The following LRRC4C variants were observed in gnomAD, a reference collection of about 807,000 sequenced individuals.
LRRC4C encodes leucine-rich repeat-containing protein 4C.
Under a neutral mutation model 33.6 loss-of-function variants are expected in LRRC4C, and 5 were observed. That is an observed-to-expected ratio of 0.15 (90% CI 0.08 to 0.31). LRRC4C has a LOEUF of 0.31. Ranked by LOEUF, LRRC4C falls within the 10% of genes least tolerant of loss-of-function variation. The pLI is 1.00. For synonymous variants in LRRC4C, 329 were observed against 302.0 expected (o/e 1.09, Z -0.93); for missense variants, 560 against 796.7 (o/e 0.70, Z 3.58).
chr11:41,247,043 G>A (rs1326126655), intron 1 of LRRC4C, among the ~76,000 whole-genome samples: 2 of 152,212 alleles, frequency 1.3e-5, no homozygotes, highest in Non-Finnish European at 2.9e-5. Flanking sequence ...TCTCATTACA[G>A]CCTTCATTTC....
intron 1 of LRRC4C, among the ~76,000 whole-genome samples, chr11:41,360,941 G>A (rs562796825): frequency 2.5e-4 from 38 of 152,236 alleles, no homozygotes; most frequent in South Asian, 1.2e-3. Flanking sequence ...GGAGATCACC[G>A]TAATGCTAGG....
chr11:41,331,820 G>A (rs1314690396), intron 1 of LRRC4C, among the ~76,000 whole-genome samples: 1 of 151,882 alleles, frequency 6.6e-6, no homozygotes, highest in Non-Finnish European at 1.5e-5. Context: ...CAAAAAAGAA[G>A]GGACATCTTT....
intron 5 of LRRC4C, among the ~76,000 whole-genome samples, chr11:40,185,725 T>C (rs1373364657): frequency 1.3e-5 from 2 of 152,134 alleles, no homozygotes; most frequent in African/African-American, 4.8e-5. Flanking sequence ...GTGAAGAAAC[T>C]TGCTCAAGGT....
intron 4 of LRRC4C, among the ~76,000 whole-genome samples, chr11:40,257,568 A>G (rs1361608385): frequency 6.6e-6 from 1 of 152,146 alleles, no homozygotes; most frequent in African/African-American, 2.4e-5. Context: ...TGACTCGCCT[A>G]AGACAATCAT....
At chr11:41,013,033 T>G (rs1438836394) in intron 1 of LRRC4C, among the ~76,000 whole-genome samples, 1 of 152,240 alleles carries the variant, frequency 6.6e-6, no homozygotes, top group Non-Finnish European at 1.5e-5. Context: ...GTGAGTTGTC[T>G]CTTCACTTTG....
chr11:41,177,128 G>T (rs868819698), intron 1 of LRRC4C, among the ~76,000 whole-genome samples: 6 of 152,146 alleles, frequency 3.9e-5, no homozygotes, highest in African/African-American at 7.2e-5. Context: ...TTTAGCCAAA[G>T]GGAACAGCAA....
chr11:40,484,681 TA>T (rs1470987864), intron 3 of LRRC4C, among the ~76,000 whole-genome samples: 4 of 152,050 alleles, frequency 2.6e-5, no homozygotes, highest in Non-Finnish European at 5.9e-5. Flanking sequence ...ATACAAAACT[TA>T]GACAAGCTGA....
chr11:40,453,620 A>G (rs532290127), intron 3 of LRRC4C, among the ~76,000 whole-genome samples: 24 of 151,978 alleles, frequency 1.6e-4, no homozygotes, highest in South Asian at 8.3e-4. Context: ...ATTCTAAGAA[A>G]AAAAAAACAA....
At chr11:41,149,123 T>A (rs1246623184) in intron 1 of LRRC4C, among the ~76,000 whole-genome samples, 1 of 152,184 alleles carries the variant, frequency 6.6e-6, no homozygotes, top group Non-Finnish European at 1.5e-5. Context: ...GGATCATTTT[T>A]AAACTCAATC....
intron 2 of LRRC4C, among the ~76,000 whole-genome samples, chr11:40,900,877 A>G (rs572301504): frequency 1.3e-5 from 2 of 152,006 alleles, no homozygotes; most frequent in Non-Finnish European, 2.9e-5. Context: ...ATTTACTAAG[A>G]CTTAATATCA....
chr11:40,349,724 G>T (rs1007216520), intron 3 of LRRC4C, among the ~76,000 whole-genome samples: 1 of 151,900 alleles, frequency 6.6e-6, no homozygotes, highest in African/African-American at 2.4e-5. Flanking sequence ...CCACATTCTT[G>T]CCAGCATTTG....
intron 3 of LRRC4C, among the ~76,000 whole-genome samples, chr11:40,635,783 C>G (rs977222693): frequency 6.6e-6 from 1 of 151,768 alleles, no homozygotes; most frequent in Admixed American, 6.5e-5. Context: ...ACTACAGGCG[C>G]CCGCCACCAT....
At chr11:40,904,748 T>G (rs555540414) in intron 2 of LRRC4C, among the ~76,000 whole-genome samples, 1 of 151,752 alleles carries the variant, frequency 6.6e-6, no homozygotes, top group African/African-American at 2.4e-5. Flanking sequence ...TTATGTTATC[T>G]CTCTCTCTCT....
At chr11:40,491,427 G>GT (rs1954147331) in intron 3 of LRRC4C, among the ~76,000 whole-genome samples, 1 of 152,128 alleles carries the variant, frequency 6.6e-6, no homozygotes, top group Non-Finnish European at 1.5e-5. Flanking sequence ...ACTTACCTTA[G>GT]TCTGCTCAGG....
intron 1 of LRRC4C, among the ~76,000 whole-genome samples, chr11:41,205,156 A>G (rs1251676122): frequency 6.6e-6 from 1 of 152,178 alleles, no homozygotes; most frequent in Non-Finnish European, 1.5e-5. Flanking sequence ...ACTGGAACAG[A>G]ATGAACAAAG....
At chr11:40,350,785 A>C (rs1947348030) in intron 3 of LRRC4C, among the ~76,000 whole-genome samples, 1 of 151,974 alleles carries the variant, frequency 6.6e-6, no homozygotes, top group South Asian at 2.1e-4. Context: ...AATGTTTTAC[A>C]GTTCTCATTG....
At chr11:40,939,639 G>C (rs1958057690) in intron 1 of LRRC4C, among the ~76,000 whole-genome samples, 2 of 152,102 alleles carry the variant, frequency 1.3e-5, no homozygotes, top group South Asian at 4.1e-4. Flanking sequence ...AGATTAAAGT[G>C]AACTCTATCA....
At chr11:41,379,958 A>G (rs1331318082) in intron 1 of LRRC4C, among the ~76,000 whole-genome samples, 2 of 152,012 alleles carry the variant, frequency 1.3e-5, no homozygotes, top group African/African-American at 4.8e-5. Context: ...TTCATCATTT[A>G]GATACACACA....
intron 3 of LRRC4C, among the ~76,000 whole-genome samples, chr11:40,558,501 TGAA>T (rs1267338444): frequency 1.3e-5 from 2 of 152,182 alleles, no homozygotes; most frequent in African/African-American, 4.8e-5. Context: ...TGTTTTATGA[TGAA>T]GAAGAATCAG....
Sources: gnomAD v4.1 joint callset for allele counts (sites outside exome capture counted in the v4.1 genomes callset) on GRCh38, gnomAD v4.1.1 for gene constraint, MANE v1.5 for transcripts, NCBI Gene and HGNC (gene_info 2026-07-23, HGNC 2026-07-21) for gene names.